Variants in C2 observed in about 807,000 individuals in gnomAD.
C2 encodes the protein C3/C5 convertase.
C2 carries 64 observed loss-of-function variants against 85.2 expected under a neutral mutation model. That is an observed-to-expected ratio of 0.75 (90% CI 0.61 to 0.92). C2 has a LOEUF of 0.92. Among genes scored for constraint, C2 ranks in the 40% least tolerant of loss-of-function variants. The probability of loss-of-function intolerance (pLI) is 0.00; values close to 1 mark genes in which losing one functional copy is unlikely to be tolerated. For synonymous variants in C2, 311 were observed against 370.8 expected (o/e 0.84, Z 1.85); for missense variants, 820 against 971.6 (o/e 0.84, Z 2.07).
At chr6:31,915,337 C>T (rs1768432616), upstream of C2, among the ~76,000 whole-genome samples, 1 of 152,196 alleles carries the variant, frequency 6.6e-6, no homozygotes, top group Non-Finnish European at 1.5e-5. Flanking sequence ...CTTTAATGCG[C>T]TCTGGGGTTT....
Position 31,944,124 on chromosome 6 carries a change from C to T in C2, c.1811-11C>T. 6.2e-7 allele frequency: 1 copy of T among 1,610,542 alleles called. No individual in the cohort carries two copies. The highest frequency in any genetic ancestry group is 8.5e-7 in the Non-Finnish European group (1 of 1,177,736). ...AGGACCAGCACCAACATCCCCTTCT[C>T]TTGACTATAGAGAATGAACTGCTGA... is the stretch of plus-strand genomic sequence containing the variant. On this transcript the variant is annotated splice_polypyrimidine_tract_variant and intron_variant, in intron 14 of 17. Coordinates refer to ENST00000299367, the MANE Select transcript of C2 (RefSeq NM_000063.6). This position sits in a 1 kb window ranked among gnomAD's most constrained non-coding sequence, Gnocchi z 5.1.
upstream of C2, chr6:31,897,806 T>C: frequency 9.9e-7 from 1 of 1,006,870 alleles, no homozygotes; most frequent in Middle Eastern, 3.4e-4. Context: ...GAGAGCGGCC[T>C]CGGAGATGGC....
intron 7 of C2, 76 bp from the exon 8 acceptor site, chr6:31,937,243 G>A: frequency 6.7e-7 from 1 of 1,489,864 alleles, no homozygotes; most frequent in Non-Finnish European, 9.4e-7. Context: ...AATAATTGGG[G>A]GAATAGAGTG....
upstream of C2, chr6:31,899,854 TCTC>T (rs1362417649): frequency 1.4e-6 from 2 of 1,396,022 alleles, no homozygotes; most frequent in Non-Finnish European, 1.9e-6. Context: ...ACCCCCCAAT[TCTC>T]CTGGGCCAAA....
Position 31,935,928 on chromosome 6 carries a change from C to T in C2, c.855C>T (p.Phe285=). ...ESASLMVDRI[F]SFEINVSVAI... is the part of the protein sequence containing the mutation. ...CTCTCACTTGCCCCGCACAGATCTT[C>T]AGCTTTGAGATCAATGTGAGCGTTG... The change falls in exon 7 of 18, where the codon TTC becomes TTT. Residue 285 remains phenylalanine, a synonymous_variant. Coordinates refer to ENST00000299367, the MANE Select transcript of C2 (RefSeq NM_000063.6). The surrounding 1 kb of genome is among the most constrained non-coding windows in gnomAD (Gnocchi z 4.3). 1 of 1,612,992 alleles carries T rather than the reference C, an allele frequency of 6.2e-7. No homozygotes were observed. Among genetic ancestry groups the T allele is most frequent in the Non-Finnish European group, 8.5e-7 (1 of 1,180,006 alleles).
At chr6:31,914,044 C>T (rs1190309397) in intron 1 of C2, among the ~76,000 whole-genome samples, 1 of 151,900 alleles carries the variant, frequency 6.6e-6, no homozygotes, top group African/African-American at 2.4e-5. Flanking sequence ...GCCTCAGCCT[C>T]CCAAGTAGCT....
At chr6:31,931,556 G>A (rs1769749590) in intron 3 of C2, among the ~76,000 whole-genome samples, 1 of 151,902 alleles carries the variant, frequency 6.6e-6, no homozygotes, top group Non-Finnish European at 1.5e-5. Flanking sequence ...TACAGCACAT[G>A]TTTCAGAGAG....
rs971050791 is a variant in C2, at chr6:31,934,479, C to A, written c.849+180C>A. The A allele has an allele frequency of 3.3e-6, 4 of 1,218,210 alleles. No individual in the cohort carries two copies. In the African/African-American group the frequency reaches 4.5e-5, roughly 14 times the overall value. 75.5% of individuals were successfully genotyped at this position (1,218,210 alleles called of 1,614,324 possible). On this transcript the variant is annotated intron_variant, in intron 6 of 17. Coordinates refer to ENST00000299367, the MANE Select transcript of C2 (RefSeq NM_000063.6). ...TTATACAATCATAATTTTTATTCCA[C>A]AAGCACTGTTGGGACACTGTGCTGG...
intron 3 of C2, among the ~76,000 whole-genome samples, chr6:31,931,409 G>A (rs1438039893): frequency 6.6e-6 from 1 of 151,260 alleles, no homozygotes; most frequent in Admixed American, 6.6e-5. Context: ...AGGACCCTGC[G>A]GCCTTCCGCA....
intron 1 of C2, among the ~76,000 whole-genome samples, chr6:31,913,978 G>A (rs558464970): frequency 2.0e-5 from 3 of 150,412 alleles, no homozygotes; most frequent in South Asian, 4.2e-4. Context: ...TCACCCAGGC[G>A]CGATCTTGGC....
chr6:31,930,099 G>C (rs1230079899), intron 3 of C2, among the ~76,000 whole-genome samples: 4 of 132,628 alleles, frequency 3.0e-5, no homozygotes, highest in Non-Finnish European at 6.6e-5. Flanking sequence ...TTTTTTTTTT[G>C]AGACGGAGTC....
Position 31,944,803 on chromosome 6 carries a change from C to T in C2, c.1979C>T (p.Thr660Ile). Reference sequence around the variant, plus strand: ...TTGACAGATGTCAGGGAGGTGGTGACAGACCAGTTCCTATGCAGTGGGACC... The same window carrying T: ...TTGACAGATGTCAGGGAGGTGGTGATAGACCAGTTCCTATGCAGTGGGACC... Reference protein sequence around the residue: ...PNLTDVREVVTDQFLCSGTQE... With the variant: ...PNLTDVREVVIDQFLCSGTQE... The change falls in exon 16 of 18, where the codon ACA becomes ATA. Residue 660 changes from threonine to isoleucine, a missense_variant. By Grantham distance (89) the Thr-to-Ile change is moderately conservative (BLOSUM62 -1). Transcript: ENST00000299367. This position sits in a 1 kb window ranked among gnomAD's most constrained non-coding sequence, Gnocchi z 5.1. 1 of 1,613,072 alleles carries T rather than the reference C, an allele frequency of 6.2e-7. No homozygotes were observed. Among genetic ancestry groups the T allele is most frequent in the Non-Finnish European group, 8.5e-7 (1 of 1,180,018 alleles).
In C2 at chr6:31,933,705, A is replaced by T; in HGVS notation, c.538A>T (p.Asn180Tyr). 1 of 1,613,276 alleles carries T rather than the reference A, an allele frequency of 6.2e-7. No individual in the cohort carries two copies. Among genetic ancestry groups the T allele is most frequent in the Non-Finnish European group, 8.5e-7 (1 of 1,180,038 alleles). The change falls in exon 4 of 18, where the codon AAT (asparagine) becomes TAT (tyrosine). Residue 180 changes from asparagine (N) to tyrosine (Y), a missense_variant. Physicochemically the swap from Asn to Tyr is moderately radical, Grantham distance 143. Coordinates refer to ENST00000299367, the MANE Select transcript of C2 (RefSeq NM_000063.6). ...CAAGGTCCGCTATCGCTGCTCCTCG[A>T]ATCTTGTGCTCACGGGGTCTTCGGA... ...GDKVRYRCSS[N>Y]LVLTGSSERE...
At chr6:31,917,046 T>C (rs3130682), upstream of C2, among the ~76,000 whole-genome samples, 137,642 of 150,940 alleles carry the variant, frequency 0.91, 62,965 homozygotes, top group East Asian at 0.99. Flanking sequence ...TGGTGGGCAC[T>C]TGTAATCCGA....
chr6:31,931,052 G>A (rs1338326987), intron 3 of C2, among the ~76,000 whole-genome samples: 1 of 152,142 alleles, frequency 6.6e-6, no homozygotes, highest in Non-Finnish European at 1.5e-5. Flanking sequence ...GGAATCATGC[G>A]GGATGTGGTC....
chr6:31,936,266 G>A (rs1392555432), intron 7 of C2: 2 of 612,504 alleles, frequency 3.3e-6, no homozygotes, highest in African/African-American at 1.8e-5. Flanking sequence ...AGATGCTGCA[G>A]GTCCAAAGAC....
chr6:31,904,685 A>G lies in C2; in HGVS notation c.73+3546A>G, dbSNP rs2151700353. ...CCGCATTGCCAAACTTCTCAGAAGA[A>G]TAGTTCACATTCCAGTGAGAGCAGA... On this transcript the variant is annotated intron_variant, in intron 1 of 3. Coordinates refer to the C2 transcript ENST00000452202. The surrounding 1 kb of genome is among the most constrained non-coding windows in gnomAD (Gnocchi z 4.4). Among the ~76,000 whole-genome samples the G allele has an allele frequency of 6.6e-6, 1 of 152,240 alleles. No individual in the cohort carries two copies. Among genetic ancestry groups the G allele is most frequent in the South Asian group, 2.1e-4 (1 of 4,816 alleles).
chr6:31,900,888 C>T (rs372740110), upstream of C2: 92 of 1,613,880 alleles, frequency 5.7e-5, no homozygotes, highest in Non-Finnish European at 7.3e-5. This position sits in a 1 kb window ranked among gnomAD's most constrained non-coding sequence, Gnocchi z 9.7. Context: ...AGGCTAGCCT[C>T]ACTGACCCCA....
chr6:31,932,038 G>A (rs41285751), intron 3 of C2, among the ~76,000 whole-genome samples: 2 of 125,648 alleles, frequency 1.6e-5, no homozygotes, highest in African/African-American at 3.3e-5. Flanking sequence ...CCGGGCAGAG[G>A]GGCTCCTCAC....
Sources: gnomAD v4.1 joint callset for allele counts (sites outside exome capture counted in the v4.1 genomes callset) on GRCh38, gnomAD v4.1.1 for gene constraint, Gnocchi (gnomAD v3.1) non-coding constraint, MANE v1.5 for transcripts, NCBI Gene and HGNC (gene_info 2026-07-23, HGNC 2026-07-21) for gene names.